Variants in ADGRL2 observed in about 807,000 individuals in gnomAD.
ADGRL2 encodes the protein adhesion G protein-coupled receptor L2.
Under a neutral mutation model 157.4 loss-of-function variants are expected in ADGRL2, and 44 were observed. The ratio of observed to expected loss-of-function variants is 0.28; its 90% CI spans 0.22 to 0.36. ADGRL2 has a LOEUF of 0.36. Ranked by LOEUF, ADGRL2 falls within the 10% of genes least tolerant of loss-of-function variation. The pLI is 1.00. For missense variants in ADGRL2, 1,510 were observed against 1,768.9 expected, an observed-to-expected ratio of 0.85 and a Z score of 2.63; for synonymous variants, 585 against 624.7, an observed-to-expected ratio of 0.94 and a Z score of 0.95.
At chr1:81,894,021 G>A (rs1024388536) in intron 2 of ADGRL2, among the ~76,000 whole-genome samples, 1 of 152,154 alleles carries the variant, frequency 6.6e-6, no homozygotes, top group Non-Finnish European at 1.5e-5. Context: ...ATTGGTTTCT[G>A]TCCAACTCAT....
At chr1:81,426,948 A>C (rs2077228229) in intron 1 of ADGRL2, 1 of 726,988 alleles carries the variant, frequency 1.4e-6, no homozygotes, top group Non-Finnish European at 2.5e-6. Flanking sequence ...AGTGAAAAAA[A>C]GGAAGGATTT....
At chr1:81,469,252 C>CT (rs1316186095) in intron 2 of ADGRL2, among the ~76,000 whole-genome samples, 1 of 152,112 alleles carries the variant, frequency 6.6e-6, no homozygotes, top group Non-Finnish European at 1.5e-5. Context: ...TGCTTTCTGC[C>CT]TCTGTTTTTT....
chr1:81,854,476 C>A (rs1393784396), intron 2 of ADGRL2, among the ~76,000 whole-genome samples: 1 of 152,150 alleles, frequency 6.6e-6, no homozygotes, highest in African/African-American at 2.4e-5. Flanking sequence ...TGAACCTGTA[C>A]AAGTTATTTA....
intron 8 of ADGRL2, 131 bp downstream of exon 8, chr1:81,951,252 G>A (rs1330566109): frequency 6.9e-6 from 4 of 579,660 alleles, no homozygotes; most frequent in Non-Finnish European, 1.2e-5. Flanking sequence ...AAAAAATTAC[G>A]CATAGTTTTG....
chr1:81,676,956 G>A (rs1010967036), intron 3 of ADGRL2, among the ~76,000 whole-genome samples: 15 of 149,900 alleles, frequency 1.0e-4, no homozygotes, highest in African/African-American at 2.5e-4. Context: ...GATTACAGGC[G>A]TGAGCCACTG....
At chr1:81,881,597 C>T (rs1369754739) in intron 2 of ADGRL2, among the ~76,000 whole-genome samples, 1 of 152,188 alleles carries the variant, frequency 6.6e-6, no homozygotes, top group African/African-American at 2.4e-5. Context: ...GTTATCCTCT[C>T]TGTTCTGTCT....
At chr1:81,658,590 C>T (rs1326879711) in intron 3 of ADGRL2, among the ~76,000 whole-genome samples, 2 of 152,098 alleles carry the variant, frequency 1.3e-5, no homozygotes, top group African/African-American at 4.8e-5. Context: ...TTCTGAGTCT[C>T]CAATATCTAT....
intron 3 of ADGRL2, among the ~76,000 whole-genome samples, chr1:81,927,164 C>G (rs959787564): frequency 2.6e-5 from 4 of 151,866 alleles, no homozygotes; most frequent in African/African-American, 9.7e-5. Context: ...TGAAAAAAAG[C>G]ACGACAACCT....
At chr1:81,571,062 C>T (rs996891110) in intron 2 of ADGRL2, among the ~76,000 whole-genome samples, 9 of 152,006 alleles carry the variant, frequency 5.9e-5, no homozygotes, top group Non-Finnish European at 1.2e-4. Flanking sequence ...CAGCAGCCCA[C>T]GTCTGTAATC....
intron 3 of ADGRL2, among the ~76,000 whole-genome samples, chr1:81,670,315 C>A (rs980547786): frequency 7.2e-5 from 11 of 152,172 alleles, no homozygotes; most frequent in Non-Finnish European, 1.6e-4. Flanking sequence ...CTTCTGTAAC[C>A]AGGCCACTTA....
chr1:81,828,599 A>G (rs764190959), intron 1 of ADGRL2, among the ~76,000 whole-genome samples: 65 of 152,220 alleles, frequency 4.3e-4, no homozygotes, highest in African/African-American at 1.5e-3. Context: ...TCTGCTTTTT[A>G]TAACCTATGT....
At chr1:81,459,812 G>GTA (rs71085362) in intron 2 of ADGRL2, among the ~76,000 whole-genome samples, 16,377 of 144,516 alleles carry the variant, frequency 0.11, 942 homozygotes, top group South Asian at 0.13. Flanking sequence ...GTATGTGTTT[G>GTA]TATATATATA....
chr1:81,390,001 A>T (rs10874232), intron 1 of ADGRL2, among the ~76,000 whole-genome samples: 64,157 of 151,228 alleles, frequency 0.42, 14,846 homozygotes, highest in East Asian at 0.87. Context: ...CTGATAATAC[A>T]GGTTGAGGTA....
chr1:81,811,874 T>TG (rs2089907856), intron 1 of ADGRL2, among the ~76,000 whole-genome samples: 1 of 148,412 alleles, frequency 6.7e-6, no homozygotes, highest in Non-Finnish European at 1.5e-5. Context: ...CCGGGCAGCT[T>TG]TTTTTTTTTG....
intron 1 of ADGRL2, among the ~76,000 whole-genome samples, chr1:81,729,025 A>G (rs766446392): frequency 6.6e-6 from 1 of 151,962 alleles, no homozygotes; most frequent in African/African-American, 2.4e-5. Context: ...AAACATCCCA[A>G]AAGGCATATG....
intron 2 of ADGRL2, among the ~76,000 whole-genome samples, chr1:81,482,378 C>T (rs534069328): frequency 3.3e-5 from 5 of 151,910 alleles, no homozygotes; most frequent in East Asian, 1.9e-4. Context: ...CCAAGTAATA[C>T]GTGTTTATTA....
Position 81,922,217 on chromosome 1 carries a change from C to T in ADGRL2, c.288-14511C>T, listed in dbSNP as rs184821058. 2.6e-3 allele frequency among the ~76,000 whole-genome samples: 403 copies of T among 152,148 alleles called. 1 individual carries two copies. The highest frequency in any genetic ancestry group is 9.3e-3 in the African/African-American group (388 of 41,518). On this transcript the variant is annotated intron_variant, in intron 3 of 23. Transcript: ENST00000686636. ...GAGAGGGGAAAAAATACTGTATGCT[C>T]GGGATACTGAGGAGGTCTGTTCAGG...
chr1:81,887,092 T>C (rs949736258), intron 2 of ADGRL2, among the ~76,000 whole-genome samples: 1 of 152,228 alleles, frequency 6.6e-6, no homozygotes, highest in Non-Finnish European at 1.5e-5. Flanking sequence ...ATATTATAAG[T>C]AAATTCATAC....
chr1:81,895,685 G>A (rs1233442771), intron 2 of ADGRL2, among the ~76,000 whole-genome samples: 4 of 151,990 alleles, frequency 2.6e-5, no homozygotes, highest in East Asian at 1.9e-4. Context: ...GTGAGCCACC[G>A]CCCCAGACCT....
Sources: gnomAD v4.1 joint callset for allele counts (sites outside exome capture counted in the v4.1 genomes callset) on GRCh38, gnomAD v4.1.1 for gene constraint, MANE v1.5 for transcripts, NCBI Gene and HGNC (gene_info 2026-07-23, HGNC 2026-07-21) for gene names.